MPRIP: variants seen among roughly 807,000 people sequenced by gnomAD.
MPRIP encodes the protein myosin phosphatase Rho-interacting protein.
Under a neutral mutation model 234.9 loss-of-function variants are expected in MPRIP, and 59 were observed. The observed-to-expected ratio is 0.25, with a 90% CI of 0.20 to 0.31. MPRIP has a LOEUF of 0.31. Among genes scored for constraint, MPRIP ranks in the 10% least tolerant of loss-of-function variants. MPRIP has a pLI of 1.00. For missense variants in MPRIP, 2,436 were observed against 3,071.0 expected (o/e 0.79, Z 4.89); for synonymous variants, 1,144 against 1,263.9 (o/e 0.91, Z 2.01).
At chr17:17,136,541 C>A in intron 6 of MPRIP, 91 bp downstream of exon 6, 2 of 1,262,360 alleles carry the variant, frequency 1.6e-6, no homozygotes, top group Non-Finnish European at 2.2e-6. Flanking sequence ...GCCTGTAGAG[C>A]CCAGTCGCAA....
intron 3 of MPRIP, among the ~76,000 whole-genome samples, chr17:17,082,001 A>G (rs922117194): frequency 6.6e-6 from 1 of 152,162 alleles, no homozygotes; most frequent in Non-Finnish European, 1.5e-5. Context: ...CAAAGCAACA[A>G]TCTAGAAACC....
intron 1 of MPRIP, among the ~76,000 whole-genome samples, chr17:17,054,781 G>A (rs1157593826): frequency 1.3e-5 from 2 of 151,138 alleles, no homozygotes; most frequent in African/African-American, 2.5e-5. Context: ...CAGGTGCTGC[G>A]GCTCACACCT....
chr17:17,150,498 T>A (rs2045576620), intron 12 of MPRIP, among the ~76,000 whole-genome samples: 1 of 152,220 alleles, frequency 6.6e-6, no homozygotes. Context: ...GTTCCTTTTT[T>A]CTTTTGTTTT....
In MPRIP at chr17:17,142,682, A is replaced by G. The variant is rs1205892832; in HGVS notation, c.1306A>G (p.Met436Val). Residue 436 changes from methionine (M) to valine (V), a missense_variant, in exon 8 of 24, where the codon ATG becomes GTG. Met to Val is a conservative substitution (Grantham distance 21). Around this residue, in one of 4 missense-constraint regions of MPRIP, gnomAD observed 267 missense variants for 252.7 expected, o/e 1.06. Transcript: ENST00000651222. The part of the protein sequence containing the change: ...EALDIEKAEH[M>V]ETNAVGPSPS... ...CTTGGACATTGAGAAGGCAGAGCAC[A>G]TGGAGACCAATGCAGTGGGGCCCTC... The G allele has an allele frequency of 8.7e-6, 14 of 1,612,052 alleles. No individual in the cohort carries two copies. The highest frequency in any genetic ancestry group is 2.1e-4 in the Middle Eastern group (1 of 4,656).
At chr17:17,053,213 A>C (rs537218801) in intron 1 of MPRIP, among the ~76,000 whole-genome samples, 2 of 152,160 alleles carry the variant, frequency 1.3e-5, no homozygotes, top group East Asian at 1.9e-4. Flanking sequence ...CAGGCAAGGG[A>C]ATTGGAATGG....
chr17:17,166,138 T>C lies in MPRIP; in HGVS notation c.4547T>C (p.Ile1516Thr), dbSNP rs1401720229. Reference protein sequence around the residue: ...ASVESALVSAIQALQHWPAPA... With the variant: ...ASVESALVSATQALQHWPAPA... ...GTGGAGAGTGCACTCGTCAGCGCCA[T>C]CCAAGCCCTGCAGCACTGGCCGGCC... The change falls in exon 16 of 24, where the codon ATC (isoleucine) becomes ACC (threonine). Residue 1516 changes from isoleucine (I) to threonine (T), a missense_variant. Ile to Thr is a moderately conservative substitution (Grantham distance 89). Around this residue, in one of 4 missense-constraint regions of MPRIP, gnomAD observed 1,998 missense variants for 2,520.3 expected, o/e 0.79. Transcript: ENST00000651222. This position sits in a 1 kb window ranked among gnomAD's most constrained non-coding sequence, Gnocchi z 4.4. The C allele has an allele frequency of 7.7e-7, 1 of 1,301,902 alleles. No individual in the cohort carries two copies. The allele number at this position is 1,301,902 out of a possible 1,614,324, so 80.6% of individuals were successfully genotyped here. A position where few individuals can be genotyped will look rare whatever the true frequency, so the allele number is the denominator to read the frequency against.
intron 3 of MPRIP, among the ~76,000 whole-genome samples, chr17:17,099,312 C>T (rs1261562673): frequency 2.0e-5 from 3 of 152,192 alleles, no homozygotes; most frequent in Non-Finnish European, 4.4e-5. Flanking sequence ...TACTGAGTTG[C>T]ATCTAAATTC....
Position 17,175,165 on chromosome 17 carries a change from C to T in MPRIP, c.6751-128C>T, listed in dbSNP as rs111821970. The T allele has an allele frequency of 1.3e-5, 18 of 1,358,118 alleles. No individual in the cohort carries two copies. The Admixed American group carries it at 1.8e-4, about 13-fold the overall frequency. The allele number at this position is 1,358,118 out of a possible 1,614,324, so 84.1% of individuals were successfully genotyped here. On this transcript the variant is annotated intron_variant, in intron 19 of 23. Coordinates refer to ENST00000651222, the MANE Select transcript of MPRIP (RefSeq NM_001364716.4). The stretch of plus-strand genomic sequence containing the variant: ...GTGACAGAAAGGAATTAAGGGTTAT[C>T]GATTGGATCCTGCCTACGCAGTTCC...
intron 3 of MPRIP, 78 bp from the exon 4 acceptor site, chr17:17,126,624 C>G: frequency 6.7e-7 from 1 of 1,488,840 alleles, no homozygotes; most frequent in Non-Finnish European, 9.1e-7. Flanking sequence ...CTGGGAGGGT[C>G]AGGAATGGCC....
chr17:17,174,033 G>T lies in MPRIP; in HGVS notation c.6708G>T (p.Arg2236=), dbSNP rs1184854015. The change falls in exon 19 of 24, where the codon CGG becomes CGT. Residue 2236 remains arginine (R), a synonymous_variant. Coordinates refer to ENST00000651222, the MANE Select transcript of MPRIP (RefSeq NM_001364716.4). ...QALEAERQAL[R]QCQRENQELN... ...TGGAGGCCGAGCGGCAGGCCCTGCG[G>T]CAGTGCCAGCGTGAGAACCAGGAGC... 2 of 1,613,298 alleles carry T rather than the reference G, an allele frequency of 1.2e-6. No homozygotes were observed. The highest frequency in any genetic ancestry group is 1.7e-6 in the Non-Finnish European group (2 of 1,180,036).
chr17:17,172,286 G>A (rs189067920), intron 17 of MPRIP, among the ~76,000 whole-genome samples: 30 of 152,356 alleles, frequency 2.0e-4, no homozygotes, highest in African/African-American at 6.3e-4. Context: ...AAACAAGCAC[G>A]TCCCCTCCGC....
chr17:17,122,211 G>A (rs2090402660), intron 3 of MPRIP, among the ~76,000 whole-genome samples: 1 of 152,084 alleles, frequency 6.6e-6, no homozygotes, highest in Non-Finnish European at 1.5e-5. Flanking sequence ...CTATCTTTAG[G>A]TCTTTGAGGA....
rs1567768717 is a variant in MPRIP at position 17,166,610 on chromosome 17, C to T, written c.5019C>T (p.Ser1673=). 7.7e-7 allele frequency: 1 copy of T among 1,303,920 alleles called. No homozygotes were observed. The allele number at this position is 1,303,920 out of a possible 1,614,324, so 80.8% of individuals were successfully genotyped here. A position where few individuals can be genotyped will look rare whatever the true frequency, so the allele number is the denominator to read the frequency against. The change falls in exon 16 of 24, where the codon AGC becomes AGT. Residue 1673 remains serine (S), a synonymous_variant. Coordinates refer to ENST00000651222, the MANE Select transcript of MPRIP (RefSeq NM_001364716.4). The surrounding 1 kb of genome is among the most constrained non-coding windows in gnomAD (Gnocchi z 4.4). Reference sequence around the variant, plus strand: ...CCACATGGGTCAGGGCAGAGCTCAGCTTTGCCACACAGTCAGTGAGGGAGT... The same window carrying T: ...CCACATGGGTCAGGGCAGAGCTCAGTTTTGCCACACAGTCAGTGAGGGAGT... ...ANATWVRAEL[S]FATQSVRESF...
At chr17:17,088,783 G>T (rs531673387) in intron 3 of MPRIP, among the ~76,000 whole-genome samples, 1 of 151,148 alleles carries the variant, frequency 6.6e-6, no homozygotes, top group Admixed American at 6.6e-5. Flanking sequence ...ACCACTTCTG[G>T]CAGGCAATGT....
intron 3 of MPRIP, among the ~76,000 whole-genome samples, chr17:17,094,735 C>T (rs1468003740): frequency 4.0e-5 from 6 of 151,750 alleles, no homozygotes; most frequent in African/African-American, 1.5e-4. Context: ...TTCAGCCTCC[C>T]AGGTAGCTGG....
At chr17:17,116,470 T>A (rs1567725381) in intron 3 of MPRIP, among the ~76,000 whole-genome samples, 1 of 152,208 alleles carries the variant, frequency 6.6e-6, no homozygotes, top group Non-Finnish European at 1.5e-5. Flanking sequence ...GAGTTGTGGG[T>A]TGGCTTGGCC....
intron 1 of MPRIP, among the ~76,000 whole-genome samples, chr17:17,055,520 C>T (rs1225907489): frequency 1.3e-5 from 2 of 152,132 alleles, no homozygotes; most frequent in Non-Finnish European, 2.9e-5. Context: ...GTCCACCCTA[C>T]CCCCAGCCTT....
Position 17,167,086 on chromosome 17 carries a change from G to C in MPRIP, c.5495G>C (p.Gly1832Ala). 7.7e-7 allele frequency: 1 copy of C among 1,304,318 alleles called. No individual in the cohort carries two copies. The highest frequency in any genetic ancestry group is 1.5e-5 in the African/African-American group (1 of 65,958). 80.8% of individuals were successfully genotyped at this position (1,304,318 alleles called of 1,614,324 possible). Reference protein sequence around the residue: ...LSYNTCLGGLGQYSSLLVQDA... With the variant: ...LSYNTCLGGLAQYSSLLVQDA... ...TATAACACTTGTTTGGGAGGCCTCG[G>C]TCAGTATTCTTCATTGTTGGTTCAG... The change falls in exon 16 of 24, where the codon GGT becomes GCT. Residue 1832 changes from glycine (G) to alanine (A), a missense_variant. Gly to Ala is a moderately conservative substitution (Grantham distance 60). Coordinates refer to ENST00000651222, the MANE Select transcript of MPRIP (RefSeq NM_001364716.4). The surrounding 1 kb of genome is among the most constrained non-coding windows in gnomAD (Gnocchi z 5.9).
In MPRIP at chr17:17,067,436, G is replaced by A. The variant is rs1248493326; in HGVS notation, c.124-8274G>A. 2.6e-5 allele frequency among the ~76,000 whole-genome samples: 4 copies of A among 152,302 alleles called. No homozygotes were observed. The East Asian group carries it at 5.8e-4, about 22-fold the overall frequency. On this transcript the variant is annotated intron_variant, in intron 1 of 23. Coordinates refer to ENST00000651222, the MANE Select transcript of MPRIP (RefSeq NM_001364716.4). Reference sequence around the variant, plus strand: ...CTAAGGGGCAGGTAGAGTATACAGCGTGGATGCGCTGGACAAAGGGGAGGC... The same window carrying A: ...CTAAGGGGCAGGTAGAGTATACAGCATGGATGCGCTGGACAAAGGGGAGGC...
Sources: gnomAD v4.1 joint callset for allele counts (sites outside exome capture counted in the v4.1 genomes callset) on GRCh38, gnomAD v4.1.1 for gene constraint, gnomAD v4.1.1 regional missense constraint, Gnocchi (gnomAD v3.1) non-coding constraint, MANE v1.5 for transcripts, NCBI Gene and HGNC (gene_info 2026-07-23, HGNC 2026-07-21) for gene names.